DST: variants seen among roughly 807,000 people sequenced by gnomAD.
The protein encoded by DST is bullous pemphigoid antigen.
In DST, 253 loss-of-function variants were observed where a neutral mutation model predicts 875.2. That is an observed-to-expected ratio of 0.29 (90% CI 0.26 to 0.32). The LOEUF is 0.32. Among genes scored for constraint, DST ranks in the 10% least tolerant of loss-of-function variants. The pLI is 1.00. For synonymous variants in DST, 3,124 were observed against 3,197.1 expected, an observed-to-expected ratio of 0.98 and a Z score of 0.77; for missense variants, 8,287 against 9,111.6, an observed-to-expected ratio of 0.91 and a Z score of 3.68.
At chr6:56,898,967 T>C (rs1233675695) in intron 3 of DST, among the ~76,000 whole-genome samples, 1 of 152,196 alleles carries the variant, frequency 6.6e-6, no homozygotes. Context: ...TACAGGAAAG[T>C]AACAGATGGT....
At chr6:56,470,365 T>C in intron 95 of DST, 83 bp from the exon 96 acceptor site, 3 of 1,167,128 alleles carry the variant, frequency 2.6e-6, no homozygotes, top group Non-Finnish European at 2.3e-6. Flanking sequence ...AATCTCAGTG[T>C]AGCTGGTTAA....
At chr6:56,464,241 C>G (rs59101638) in intron 100 of DST, 88,892 of 262,636 alleles carry the variant, frequency 0.34, 16,399 homozygotes, top group African/African-American at 0.5. Flanking sequence ...TAATTACACA[C>G]AATGATTGAT....
Position 56,645,975 on chromosome 6 carries a change from G to A in DST, c.1669C>T (p.Arg557Cys). 6.2e-7 allele frequency: 1 copy of A among 1,609,038 alleles called. No homozygotes were observed. ...KLLEIWIEFG[R>C]IKLLQGYHPN... is the part of the protein sequence containing the mutation. The stretch of plus-strand genomic sequence containing the variant: ...TGATAACCTTGAAGGAGCTTGATGC[G>A]TCCAAATTCTATCCAAATCTTGAGA... The change falls in exon 15 of 104, where the codon CGC (arginine) becomes TGC (cysteine). Residue 557 changes from arginine (R) to cysteine (C), a missense_variant. Transcript: ENST00000680361.
At chr6:56,462,581 ACAGTGAACATT>A (rs1223007511) in intron 102 of DST, among the ~76,000 whole-genome samples, 2 of 152,216 alleles carry the variant, frequency 1.3e-5, no homozygotes, top group African/African-American at 4.8e-5. Context: ...GACCATGCCC[ACAGTGAACATT>A]CAGTAAACAT....
chr6:56,511,360 T>C lies in DST; in HGVS notation c.18617A>G (p.Asp6206Gly). 6.2e-7 allele frequency: 1 copy of C among 1,608,146 alleles called. No homozygotes were observed. The highest frequency in any genetic ancestry group is 8.5e-7 in the Non-Finnish European group (1 of 1,177,044). ...CTGTGGCCCAGTTTTGTTCATCTTA[T>C]CTATATGAGGCTTGTGTTCAGCTAT... Reference protein sequence around the residue: ...ELIAEHKPHIDKMNKTGPQLL... With the variant: ...ELIAEHKPHIGKMNKTGPQLL... Residue 6206 changes from aspartate (D) to glycine (G), a missense_variant, in exon 73 of 104, where the codon GAT becomes GGT. Asp to Gly is a moderately conservative substitution (Grantham distance 94). This residue lies in a region of DST where 1,292 missense variants were observed against 1,552.7 expected (regional missense o/e 0.83). Transcript: ENST00000680361.
intron 71 of DST, among the ~76,000 whole-genome samples, chr6:56,516,995 A>G (rs1348999417): frequency 6.6e-6 from 1 of 152,186 alleles, no homozygotes; most frequent in Non-Finnish European, 1.5e-5. Context: ...CCTATTCAAA[A>G]AGATTGTCCT....
At position 56,601,489 on chromosome 6, in the gene DST, C is replaced by T. The variant is rs777772858; in HGVS notation, c.11495G>A (p.Arg3832His). ...VQESVTTQVE[R>H]LETQLHLEQD... ...TTCTAGATGTAACTGAGTCTCTAAA[C>T]GTTCCACCTGGGTAGTTACTGACTC... The change falls in exon 44 of 104, where the codon CGT (arginine) becomes CAT (histidine). Residue 3832 changes from arginine (R) to histidine (H), a missense_variant. Transcript: ENST00000680361. 10 of 1,605,444 alleles carry T rather than the reference C, an allele frequency of 6.2e-6. No homozygotes were observed. Among genetic ancestry groups the T allele is most frequent in the South Asian group, 3.3e-5 (3 of 89,606 alleles).
chr6:56,888,984 C>T (rs1785975624), intron 3 of DST, among the ~76,000 whole-genome samples: 2 of 152,142 alleles, frequency 1.3e-5, no homozygotes, highest in Admixed American at 1.3e-4. Flanking sequence ...TTTTCTTGGC[C>T]TAAAATGAAT....
intron 3 of DST, among the ~76,000 whole-genome samples, chr6:56,868,352 TA>T (rs1196334180): frequency 6.6e-6 from 1 of 152,202 alleles, no homozygotes; most frequent in Non-Finnish European, 1.5e-5. Flanking sequence ...TTGATGTTCC[TA>T]AATTGTCCAC....
intron 93 of DST, among the ~76,000 whole-genome samples, chr6:56,472,596 T>C (rs1265848788): frequency 1.3e-5 from 2 of 152,156 alleles, no homozygotes; most frequent in African/African-American, 2.4e-5. Flanking sequence ...TACCTTACAA[T>C]GACTTACATC....
intron 4 of DST, among the ~76,000 whole-genome samples, chr6:56,751,674 T>TA (rs2099587604): frequency 6.6e-6 from 1 of 152,172 alleles, no homozygotes; most frequent in African/African-American, 2.4e-5. Context: ...AGAACCACCA[T>TA]GTGGCCCATT....
At chr6:56,488,962 T>C (rs6459163) in intron 86 of DST, among the ~76,000 whole-genome samples, 1 of 152,040 alleles carries the variant, frequency 6.6e-6, no homozygotes, top group Non-Finnish European at 1.5e-5. Flanking sequence ...TATATAAACA[T>C]GTCTTTGGGT....
chr6:56,885,524 T>C (rs1784331697), intron 3 of DST, among the ~76,000 whole-genome samples: 1 of 152,178 alleles, frequency 6.6e-6, no homozygotes, highest in Non-Finnish European at 1.5e-5. Flanking sequence ...CCACCCAAAA[T>C]TCATGTGTTG....
intron 55 of DST, among the ~76,000 whole-genome samples, 161 bp from the exon 56 acceptor site, chr6:56,562,361 T>C (rs1412052168): frequency 6.6e-6 from 1 of 151,962 alleles, no homozygotes; most frequent in Non-Finnish European, 1.5e-5. Flanking sequence ...TCAAACAATA[T>C]CCTCTCTTCT....
At chr6:56,732,785 C>T (rs1438266519) in intron 5 of DST, among the ~76,000 whole-genome samples, 1 of 152,094 alleles carries the variant, frequency 6.6e-6, no homozygotes, top group African/African-American at 2.4e-5. Context: ...TAAACACAAC[C>T]CCACATCCAA....
intron 4 of DST, among the ~76,000 whole-genome samples, chr6:56,786,526 GT>G (rs2099705943): frequency 6.6e-6 from 1 of 151,890 alleles, no homozygotes. Flanking sequence ...GTACCTTTTG[GT>G]TTTGTTTTGT....
At chr6:56,474,909 C>T (rs9349824) in intron 92 of DST, among the ~76,000 whole-genome samples, 50,681 of 143,394 alleles carry the variant, frequency 0.35, 9,322 homozygotes, top group African/African-American at 0.48. Context: ...CAGTGAGCCA[C>T]GACTGTGCCA....
intron 50 of DST, among the ~76,000 whole-genome samples, chr6:56,577,069 A>T (rs2097880695): frequency 6.6e-6 from 1 of 152,170 alleles, no homozygotes; most frequent in South Asian, 2.1e-4. Flanking sequence ...TTATTTTTTT[A>T]AATCATTGGT....
At chr6:56,594,814 T>A (rs2098342635) in intron 47 of DST, among the ~76,000 whole-genome samples, 1 of 152,220 alleles carries the variant, frequency 6.6e-6, no homozygotes, top group South Asian at 2.1e-4. Context: ...CAATAACTCC[T>A]ACACATCACA....
Sources: allele counts gnomAD v4.1 joint callset (sites outside exome capture counted in the v4.1 genomes callset), GRCh38; gene constraint gnomAD v4.1.1; regional missense constraint gnomAD v4.1.1; transcripts MANE v1.5; gene names NCBI Gene and HGNC (gene_info 2026-07-23, HGNC 2026-07-21).